Variants in FAM83A observed in about 807,000 individuals in gnomAD.
FAM83A encodes protein FAM83A.
FAM83A carries 21 observed loss-of-function variants against 24.4 expected under a neutral mutation model. The observed-to-expected ratio is 0.86, with a 90% CI of 0.61 to 1.24. FAM83A has a LOEUF of 1.24. FAM83A is among the 50% of genes most tolerant of loss of function. The pLI is 0.00. For synonymous variants in FAM83A, 270 were observed against 252.4 expected, an observed-to-expected ratio of 1.07 and a Z score of -0.66; for missense variants, 617 against 579.8, an observed-to-expected ratio of 1.06 and a Z score of -0.66.
At chr8:123,183,390 G>A (rs1823682710) in intron 1 of FAM83A, 54 bp downstream of exon 1, 1 of 1,565,312 alleles carries the variant, frequency 6.4e-7, no homozygotes, top group Non-Finnish European at 8.7e-7. Flanking sequence ...AGGATCGGGG[G>A]CTGATAGAGC....
At chr8:123,196,847 G>A (rs1824173892) in intron 3 of FAM83A, among the ~76,000 whole-genome samples, 1 of 152,210 alleles carries the variant, frequency 6.6e-6, no homozygotes, top group African/African-American at 2.4e-5. Context: ...CCCAAGTCTG[G>A]GAAAAGCTAG....
intron 3 of FAM83A, among the ~76,000 whole-genome samples, chr8:123,197,771 T>C (rs147634223): frequency 1.3e-5 from 2 of 152,136 alleles, no homozygotes; most frequent in South Asian, 2.1e-4. Context: ...CAGGTGCAGT[T>C]TGAAATCAAA....
chr8:123,182,561 T>C, upstream of FAM83A: 1 of 605,902 alleles, frequency 1.7e-6, no homozygotes, highest in Non-Finnish European at 3.1e-6. Context: ...GGAGAGGAAA[T>C]ATCCCATGGC....
intron 3 of FAM83A, among the ~76,000 whole-genome samples, chr8:123,205,161 G>A (rs1824498863): frequency 6.6e-6 from 1 of 152,320 alleles, no homozygotes; most frequent in East Asian, 1.9e-4. Context: ...CATGAGATGC[G>A]CGGGTGTGCA....
intron 3 of FAM83A, among the ~76,000 whole-genome samples, chr8:123,205,882 C>T (rs1222596184): frequency 6.6e-6 from 1 of 152,168 alleles, no homozygotes; most frequent in African/African-American, 2.4e-5. Context: ...CGGTGGCTCA[C>T]GCCTGTAATC....
chr8:123,202,832 A>G (rs1824406840), intron 3 of FAM83A: 1 of 152,262 alleles, frequency 6.6e-6, no homozygotes, highest in Non-Finnish European at 1.5e-5. Flanking sequence ...TTGTGTGGTT[A>G]TGTACTTGTG....
intron 3 of FAM83A, chr8:123,202,199 C>T (rs1248067990): frequency 3.3e-5 from 5 of 152,850 alleles, no homozygotes; most frequent in Admixed American, 1.3e-4. Context: ...CAAAAATCTA[C>T]ATCCTTACCA....
At chr8:123,183,447 G>A in intron 1 of FAM83A, 111 bp downstream of exon 1, 1 of 1,471,572 alleles carries the variant, frequency 6.8e-7, no homozygotes, top group Non-Finnish European at 9.0e-7. Context: ...CCAGATAATT[G>A]GGGCTTCGGA....
chr8:123,182,311 AG>A, upstream of FAM83A: 2 of 358,038 alleles, frequency 5.6e-6, no homozygotes, highest in South Asian at 4.1e-5. Flanking sequence ...TCACACAGAG[AG>A]GGGGGCGCAT....
chr8:123,190,917 C>T (rs1586778869), intron 1 of FAM83A, among the ~76,000 whole-genome samples: 1 of 152,152 alleles, frequency 6.6e-6, no homozygotes, highest in Admixed American at 6.5e-5. Context: ...AGAACACCTC[C>T]TTTTCCCAGG....
At chr8:123,194,120 T>C (rs1171020076) in exon 3 of FAM83A, 2 of 1,614,076 alleles carry the variant, frequency 1.2e-6, no homozygotes, top group Admixed American at 3.3e-5. Flanking sequence ...CATCTCGGAC[T>C]GGAGATTTGT....
At chr8:123,199,415 T>C (rs1040478182) in intron 3 of FAM83A, among the ~76,000 whole-genome samples, 1 of 152,202 alleles carries the variant, frequency 6.6e-6, no homozygotes, top group South Asian at 2.1e-4. Flanking sequence ...GACCTCACTT[T>C]CCAGTGGGTT....
At chr8:123,208,450 G>C (rs1305638911) in exon 4 of FAM83A, 1 of 985,372 alleles carries the variant, frequency 1.0e-6, no homozygotes, top group Non-Finnish European at 1.2e-6. Flanking sequence ...CTAGGAGCTT[G>C]AGTTGTCAGG....
At chr8:123,208,615 C>A in exon 4 of FAM83A, 1 of 985,538 alleles carries the variant, frequency 1.0e-6, no homozygotes, top group Non-Finnish European at 1.2e-6. Context: ...CTTCTCAATT[C>A]ACAGTGCCCC....
chr8:123,187,078 G>A (rs752230525), intron 1 of FAM83A, among the ~76,000 whole-genome samples: 1 of 152,188 alleles, frequency 6.6e-6, no homozygotes, highest in Non-Finnish European at 1.5e-5. Context: ...CAAAGGCTGA[G>A]TAAGCGTTTG....
intron 3 of FAM83A, among the ~76,000 whole-genome samples, chr8:123,199,236 A>C (rs1824265708): frequency 6.6e-6 from 1 of 152,240 alleles, no homozygotes; most frequent in African/African-American, 2.4e-5. Context: ...TGTATTGTTA[A>C]GACATTGGTA....
At chr8:123,206,057 C>A (rs952099391) in intron 3 of FAM83A, among the ~76,000 whole-genome samples, 2 of 151,152 alleles carry the variant, frequency 1.3e-5, no homozygotes, top group African/African-American at 4.9e-5. Flanking sequence ...GCAGAATAAT[C>A]GTTTGAACCT....
intron 1 of FAM83A, among the ~76,000 whole-genome samples, chr8:123,188,621 T>C (rs1316607544): frequency 6.6e-6 from 1 of 152,076 alleles, no homozygotes; most frequent in Non-Finnish European, 1.5e-5. Context: ...GTAGCCGGGA[T>C]TACAGGCGTG....
intron 1 of FAM83A, among the ~76,000 whole-genome samples, chr8:123,187,884 T>A (rs1823857025): frequency 1.3e-5 from 2 of 151,986 alleles, no homozygotes; most frequent in Non-Finnish European, 2.9e-5. Flanking sequence ...TTTCTGAGAC[T>A]GAGTCTCGCT....
Sources: allele counts gnomAD v4.1 joint callset (sites outside exome capture counted in the v4.1 genomes callset), GRCh38; gene constraint gnomAD v4.1.1; transcripts MANE v1.5; gene names NCBI Gene and HGNC (gene_info 2026-07-23, HGNC 2026-07-21).